BRINP3: variants seen among roughly 807,000 people sequenced by gnomAD.
The protein encoded by BRINP3 is BMP/retinoic acid inducible neural specific 3, also known as BMP/retinoic acid-inducible neural-specific protein 3.
In BRINP3, 19 loss-of-function variants were observed where a neutral mutation model predicts 71.0. The ratio of observed to expected loss-of-function variants is 0.27; its 90% CI spans 0.19 to 0.39. The LOEUF is 0.39. Among genes scored for constraint, BRINP3 ranks in the 10% least tolerant of loss-of-function variants. The pLI is 1.00. For missense variants in BRINP3, 959 were observed against 940.8 expected (o/e 1.02, Z -0.25); for synonymous variants, 380 against 337.7 (o/e 1.13, Z -1.37).
intron 2 of BRINP3, among the ~76,000 whole-genome samples, chr1:190,329,814 T>C (rs1396855826): frequency 2.0e-5 from 3 of 151,532 alleles, no homozygotes; most frequent in Non-Finnish European, 4.4e-5. Context: ...ATGGAACAGG[T>C]TAGAAATCCA....
At chr1:190,159,409 T>A (rs996716724) in intron 7 of BRINP3, among the ~76,000 whole-genome samples, 1 of 152,088 alleles carries the variant, frequency 6.6e-6, no homozygotes, top group Non-Finnish European at 1.5e-5. Flanking sequence ...CATAAAAAAG[T>A]GTACATGAAT....
At chr1:190,441,051 A>G (rs1171567780) in intron 2 of BRINP3, among the ~76,000 whole-genome samples, 1 of 151,998 alleles carries the variant, frequency 6.6e-6, no homozygotes, top group African/African-American at 2.4e-5. Context: ...CTAAACTAAT[A>G]GAGCAACAAG....
intron 4 of BRINP3, among the ~76,000 whole-genome samples, chr1:190,255,236 CTTT>C (rs201421106): frequency 2.2e-5 from 3 of 134,584 alleles, no homozygotes; most frequent in Non-Finnish European, 1.6e-5. Context: ...AAAATTCTCT[CTTT>C]TTTTTTTTTT....
chr1:190,261,544 T>C (rs892347245), intron 4 of BRINP3, among the ~76,000 whole-genome samples: 1 of 152,160 alleles, frequency 6.6e-6, no homozygotes, highest in South Asian at 2.1e-4. Flanking sequence ...GCTTAACTCC[T>C]GTGATTTGTA....
At chr1:190,209,717 T>C (rs1655821425) in intron 6 of BRINP3, among the ~76,000 whole-genome samples, 1 of 152,182 alleles carries the variant, frequency 6.6e-6, no homozygotes, top group South Asian at 2.1e-4. Flanking sequence ...ATAATATATC[T>C]TGACTTTGAA....
chr1:190,465,911 G>T (rs1676715028), intron 1 of BRINP3, among the ~76,000 whole-genome samples: 1 of 151,890 alleles, frequency 6.6e-6, no homozygotes, highest in African/African-American at 2.4e-5. Context: ...ATGTAGAAAT[G>T]AAGTAGAAAT....
intron 2 of BRINP3, among the ~76,000 whole-genome samples, chr1:190,432,281 T>C (rs1448073103): frequency 6.6e-6 from 1 of 152,140 alleles, no homozygotes; most frequent in Non-Finnish European, 1.5e-5. Context: ...CTACTCCAAT[T>C]GAAAACAATG....
intron 2 of BRINP3, among the ~76,000 whole-genome samples, chr1:190,327,487 G>GA (rs59406863): frequency 8.0e-4 from 101 of 126,808 alleles, no homozygotes; most frequent in Middle Eastern, 4.0e-3. Context: ...CAAACAAAAA[G>GA]AAAAAAAAAA....
intron 6 of BRINP3, among the ~76,000 whole-genome samples, chr1:190,163,787 T>C (rs923092240): frequency 4.6e-5 from 7 of 152,108 alleles, no homozygotes; most frequent in Non-Finnish European, 7.4e-5. Flanking sequence ...CAAGGTTTGT[T>C]GTGCCTTTAT....
At chr1:190,442,490 T>C (rs1329144760) in intron 2 of BRINP3, among the ~76,000 whole-genome samples, 1 of 152,196 alleles carries the variant, frequency 6.6e-6, no homozygotes, top group African/African-American at 2.4e-5. Context: ...CCATTCTCTT[T>C]GACTCTTTTC....
At chr1:190,441,690 A>G (rs1195529359) in intron 2 of BRINP3, among the ~76,000 whole-genome samples, 1 of 152,114 alleles carries the variant, frequency 6.6e-6, no homozygotes, top group Non-Finnish European at 1.5e-5. Flanking sequence ...AGATTTCTCA[A>G]ATAGGTCAAA....
chr1:190,329,521 G>T (rs895173408), intron 2 of BRINP3, among the ~76,000 whole-genome samples: 1 of 151,758 alleles, frequency 6.6e-6, no homozygotes, highest in African/African-American at 2.4e-5. Flanking sequence ...ACTGCTAAAA[G>T]AAATCATAGA....
rs553125889 is a variant in BRINP3 at position 190,379,016 on chromosome 1, C to T, written c.236+75639G>A. 3.3e-5 allele frequency among the ~76,000 whole-genome samples: 5 copies of T among 152,274 alleles called. No homozygotes were observed. The South Asian group carries it at 1.0e-3, about 32-fold the overall frequency. On this transcript the variant is annotated intron_variant, in intron 2 of 7. Transcript: ENST00000367462. The stretch of plus-strand genomic sequence containing the variant: ...CACGTCTTCCTTCAGCATTTATGAA[C>T]CTGTGACAGGTTAATTACTTAAATT...
chr1:190,470,796 CCAAT>C (rs1677086418), intron 1 of BRINP3, among the ~76,000 whole-genome samples: 1 of 150,962 alleles, frequency 6.6e-6, no homozygotes, highest in Non-Finnish European at 1.5e-5. Flanking sequence ...ATCAAGTAAT[CCAAT>C]CGACTCATTA....
chr1:190,424,422 T>A (rs1428651560), intron 2 of BRINP3, among the ~76,000 whole-genome samples: 1 of 151,444 alleles, frequency 6.6e-6, no homozygotes, highest in Non-Finnish European at 1.5e-5. Context: ...GGAGGTAGAG[T>A]CTTTGTACAA....
chr1:190,110,604 A>G (rs1239661535), intron 7 of BRINP3, among the ~76,000 whole-genome samples: 1 of 152,228 alleles, frequency 6.6e-6, no homozygotes, highest in African/African-American at 2.4e-5. Flanking sequence ...TGTTAAAGCC[A>G]GATGACTGTT....
chr1:190,200,986 AGTGGG>A lies in BRINP3; in HGVS notation c.961+25091_961+25095del, dbSNP rs534713849. On this transcript the variant is annotated intron_variant, in intron 6 of 7. Coordinates refer to ENST00000367462, the MANE Select transcript of BRINP3 (RefSeq NM_199051.3). ...TAAAACAGTAAATTGGTACCAGTAG[AGTGGG>A]GTGTTGCTGAAAAGATACCCAAAAA... Among the ~76,000 whole-genome samples the A allele has an allele frequency of 1.3e-4, 20 of 152,198 alleles. No individual in the cohort carries two copies. In the South Asian group the frequency reaches 4.1e-3, roughly 32 times the overall value.
At chr1:190,345,518 T>C (rs1667958506) in intron 2 of BRINP3, among the ~76,000 whole-genome samples, 1 of 151,536 alleles carries the variant, frequency 6.6e-6, no homozygotes, top group African/African-American at 2.4e-5. Context: ...CATATATATC[T>C]ATTTCATCAT....
rs1351973403 is a variant in BRINP3 at position 190,383,845 on chromosome 1, T to A, written c.236+70810A>T. Among the ~76,000 whole-genome samples, 3 of 151,986 alleles carry A rather than the reference T, an allele frequency of 2.0e-5. No homozygotes were observed. The East Asian group carries it at 5.8e-4, about 29-fold the overall frequency. ...CAAGGAAGTGTTTTCACAGACAGGC[T>A]TATAAAATAATAAATGTTATTGATT... On this transcript the variant is annotated intron_variant, in intron 2 of 7. Coordinates refer to ENST00000367462, the MANE Select transcript of BRINP3 (RefSeq NM_199051.3).
Sources: gnomAD v4.1 joint callset for allele counts (sites outside exome capture counted in the v4.1 genomes callset) on GRCh38, gnomAD v4.1.1 for gene constraint, MANE v1.5 for transcripts, NCBI Gene and HGNC (gene_info 2026-07-23, HGNC 2026-07-21) for gene names.